The following WDR87 variants were observed in gnomAD, a reference collection of about 807,000 sequenced individuals.
WDR87 encodes WD repeat-containing protein 87.
A neutral mutation model predicts 83.3 loss-of-function variants in WDR87; 56 were observed. The ratio of observed to expected loss-of-function variants is 0.67; its 90% CI spans 0.54 to 0.84. WDR87 has a LOEUF of 0.84. Among genes scored for constraint, WDR87 ranks in the 40% least tolerant of loss-of-function variants. The probability of loss-of-function intolerance (pLI) is 0.00; values close to 1 mark genes in which losing one functional copy is unlikely to be tolerated. For synonymous variants in WDR87, 1,173 were observed against 1,250.6 expected, an observed-to-expected ratio of 0.94 and a Z score of 1.31; for missense variants, 2,939 against 3,431.9, an observed-to-expected ratio of 0.86 and a Z score of 3.59.
At position 37,888,256 on chromosome 19, in the gene WDR87, T is replaced by C. The variant is rs1346989689; in HGVS notation, c.5415A>G (p.Glu1805=). The change falls in exon 6 of 6, where the codon GAA becomes GAG. Residue 1805 remains glutamate (E), a synonymous_variant. Transcript: ENST00000447313. ...CTTCTTCCTGGGCCAGTTTTGTCTC[T>C]TCTTCAGACAGTTTCTCCCTTTGCC... The part of the protein sequence containing the change: ...LAWQREKLSE[E]ETKLAQEEEL... The C allele has an allele frequency of 6.4e-7, 1 of 1,551,988 alleles. No individual in the cohort carries two copies. Among genetic ancestry groups the C allele is most frequent in the African/African-American group, 1.4e-5 (1 of 73,030 alleles).
chr19:37,904,348 G>T (rs1349873656), intron 1 of WDR87, among the ~76,000 whole-genome samples: 1 of 149,058 alleles, frequency 6.7e-6, no homozygotes, highest in Non-Finnish European at 1.5e-5. Context: ...TCTTTCTTTT[G>T]TGTGTGTGTG....
intron 5 of WDR87, among the ~76,000 whole-genome samples, chr19:37,891,273 C>T (rs1456923870): frequency 2.0e-5 from 3 of 151,646 alleles, no homozygotes; most frequent in African/African-American, 7.3e-5. Flanking sequence ...AAGTGATTCT[C>T]CCACCTCAGC....
chr19:37,904,832 ATG>A (rs1475926967), intron 1 of WDR87, among the ~76,000 whole-genome samples: 4 of 152,182 alleles, frequency 2.6e-5, no homozygotes, highest in Admixed American at 2.0e-4. Context: ...ATTTCTATTA[ATG>A]GACATTCGGT....
Position 37,896,235 on chromosome 19 carries a change from C to T in WDR87, c.149G>A (p.Arg50His), listed in dbSNP as rs529436446. The part of the protein sequence containing the change: ...DRSQVLFKES[R>H]YPQNMPCVCY... ...TACACACGGCATATTTTGAGGATAG[C>T]GAGACTCTTTGAACAGTACCTGGGA... The change falls in exon 3 of 6, where the codon CGC (arginine) becomes CAC (histidine). Residue 50 changes from arginine to histidine, a missense_variant. Coordinates refer to ENST00000447313, the MANE Select transcript of WDR87 (RefSeq NM_001291088.2). The T allele has an allele frequency of 1.6e-5, 25 of 1,552,100 alleles. No homozygotes were observed. Among genetic ancestry groups the T allele is most frequent in the African/African-American group, 1.1e-4 (8 of 73,134 alleles).
At position 37,901,431 on chromosome 19, in the gene WDR87, AAAAAC is replaced by A. The variant is rs540418734; in HGVS notation, c.-46-3151_-46-3147del. Reference sequence around the variant, plus strand: ...GGGTGATAGGGCGAGACTCCATCTCAAAAACAAAACAAAACAACACCAAAAAACCC... The same window carrying A: ...GGGTGATAGGGCGAGACTCCATCTCAAAAACAAAACAACACCAAAAAACCC... On this transcript the variant is annotated intron_variant, in intron 1 of 5. Transcript: ENST00000447313. Among the ~76,000 whole-genome samples the A allele has an allele frequency of 7.0e-4, 106 of 152,306 alleles. 1 individual carries two copies. In the South Asian group the frequency reaches 0.014, roughly 20 times the overall value.
At chr19:37,903,443 G>A (rs1228458429) in intron 1 of WDR87, among the ~76,000 whole-genome samples, 1 of 152,176 alleles carries the variant, frequency 6.6e-6, no homozygotes, top group African/African-American at 2.4e-5. Context: ...TCTGTTGGAT[G>A]GAAGAGTTAC....
Position 37,892,726 on chromosome 19 carries a change from G to A in WDR87, c.2977C>T (p.Leu993Phe), listed in dbSNP as rs374198646. The A allele has an allele frequency of 1.3e-6, 2 of 1,551,826 alleles. No individual in the cohort carries two copies. Among genetic ancestry groups the A allele is most frequent in the Non-Finnish European group, 1.7e-6 (2 of 1,147,038 alleles). The change falls in exon 4 of 6, where the codon CTT (leucine) becomes TTT (phenylalanine). Residue 993 changes from leucine (L) to phenylalanine (F), a missense_variant. This residue lies in a region of WDR87 where 2,160 missense variants were observed against 2,533.1 expected (regional missense o/e 0.85). Transcript: ENST00000447313. ...GLKRLGMITH[L>F]FAMPLAQGLM... is the part of the protein sequence containing the mutation. ...CCTTGAGCCAGAGGCATGGCAAAAAGATGAGTAATCATTCCTAGACGCTTC... is the reference window on the plus strand; with the variant it reads ...CCTTGAGCCAGAGGCATGGCAAAAAAATGAGTAATCATTCCTAGACGCTTC...
intron 5 of WDR87, 30 bp from the exon 6 acceptor site, chr19:37,890,306 G>A: frequency 3.3e-6 from 5 of 1,494,852 alleles, no homozygotes; most frequent in Non-Finnish European, 4.5e-6. Flanking sequence ...ATGGAGGTAA[G>A]CAAAGTATGG....
At chr19:37,896,816 C>T (rs1028541259) in intron 2 of WDR87, among the ~76,000 whole-genome samples, 1 of 152,128 alleles carries the variant, frequency 6.6e-6, no homozygotes, top group African/African-American at 2.4e-5. Context: ...GATGGAGTTT[C>T]ACCATGTTGG....
chr19:37,885,821 C>T lies in WDR87; in HGVS notation c.7850G>A (p.Arg2617Lys), dbSNP rs371409897. The change falls in exon 6 of 6, where the codon AGA becomes AAA. Residue 2617 changes from arginine to lysine, a missense_variant. This residue lies in a region of WDR87 where 2,160 missense variants were observed against 2,533.1 expected (regional missense o/e 0.85). Coordinates refer to ENST00000447313, the MANE Select transcript of WDR87 (RefSeq NM_001291088.2). ...AKHEAIVYRH[R>K]QALESQDTRI... is the part of the protein sequence containing the mutation. Reference sequence around the variant, plus strand: ...TGTGTCTTGTGACTCCAGGGCCTGTCTGTGACGGTACACAATGGCTTCATG... The same window carrying T: ...TGTGTCTTGTGACTCCAGGGCCTGTTTGTGACGGTACACAATGGCTTCATG... 1 of 1,551,714 alleles carries T rather than the reference C, an allele frequency of 6.4e-7. No homozygotes were observed. The highest frequency in any genetic ancestry group is 1.4e-5 in the African/African-American group (1 of 73,024).
rs1360782359 is a variant in WDR87, at chr19:37,886,001, G to A, written c.7670C>T (p.Ala2557Val). Residue 2557 changes from alanine (A) to valine (V), a missense_variant, in exon 6 of 6, where the codon GCA becomes GTA. By Grantham distance (64) the Ala-to-Val change is moderately conservative. Around this residue, in one of 3 missense-constraint regions of WDR87, gnomAD observed 2,160 missense variants for 2,533.1 expected, o/e 0.85. Transcript: ENST00000447313. ...CTCTACATCTGAGAGGCTTACGTCT[G>A]CATGTTGTTCCTTAGCTGGGATTTG... ...LSQIPAKEQH[A>V]DVSLSDVEWI... 5.2e-6 allele frequency: 8 copies of A among 1,551,960 alleles called. No homozygotes were observed. The Admixed American group carries it at 5.9e-5, about 11-fold the overall frequency.
chr19:37,889,811 C>G lies in WDR87; in HGVS notation c.3860G>C (p.Arg1287Pro). ...ACCAGATATCCTCAGGGCCATAAGA[C>G]GACATAGATCGTCCCTCCATGATGA... is the stretch of plus-strand genomic sequence containing the variant. ...DGSSWRDDLC[R>P]LMALRISGSQ... The change falls in exon 6 of 6, where the codon CGT becomes CCT. Residue 1287 changes from arginine (R) to proline (P), a missense_variant. Arg to Pro is a moderately radical substitution (Grantham distance 103). Around this residue, in one of 3 missense-constraint regions of WDR87, gnomAD observed 2,160 missense variants for 2,533.1 expected, o/e 0.85. Transcript: ENST00000447313. 6.4e-7 allele frequency: 1 copy of G among 1,551,702 alleles called. No homozygotes were observed. The highest frequency in any genetic ancestry group is 8.7e-7 in the Non-Finnish European group (1 of 1,147,016).
intron 2 of WDR87, 32 bp from the exon 3 acceptor site, chr19:37,896,340 C>T (rs1226021089): frequency 6.5e-7 from 1 of 1,547,252 alleles, no homozygotes; most frequent in Non-Finnish European, 8.7e-7. Flanking sequence ...ACTAAGAGGC[C>T]AGGGCACAGA....
At chr19:37,896,342 G>T in intron 2 of WDR87, 34 bp from the exon 3 acceptor site, 3 of 1,542,568 alleles carry the variant, frequency 1.9e-6, no homozygotes, top group Non-Finnish European at 2.6e-6. Context: ...TAAGAGGCCA[G>T]GGCACAGAGG....
In WDR87 at chr19:37,901,300, G is replaced by A. The variant is rs147915537; in HGVS notation, c.-46-3015C>T. ...ACAAAAATTAGCCAGGCATGGTGGC[G>A]GGCGCCTGTAATCCCAGCTACTCAG... is the stretch of plus-strand genomic sequence containing the variant. On this transcript the variant is annotated intron_variant, in intron 1 of 5. Transcript: ENST00000447313. Among the ~76,000 whole-genome samples the A allele has an allele frequency of 8.6e-3, 1,303 of 152,114 alleles. 34 individuals carry two copies. Among genetic ancestry groups the A allele is most frequent in the East Asian group, 0.069 (359 of 5,168 alleles).
At position 37,906,562 on chromosome 19, in the gene WDR87, G is replaced by C. The variant is rs1009182457; in HGVS notation, c.-110C>G. On this transcript the variant is annotated 5_prime_UTR_variant, in exon 1 of 6. Coordinates refer to ENST00000447313, the MANE Select transcript of WDR87 (RefSeq NM_001291088.2). ...TGCACTCAGGAGCTCCTAGAGCTAG[G>C]GGCAGCAACTAAGAAGCTACCTGGC... 2 of 152,128 alleles carry C rather than the reference G, an allele frequency of 1.3e-5. No homozygotes were observed. Among genetic ancestry groups the C allele is most frequent in the African/African-American group, 4.8e-5 (2 of 41,428 alleles). The allele number at this position is 152,128 out of a possible 1,614,324, so 9.4% of individuals were successfully genotyped here. A position where few individuals can be genotyped will look rare whatever the true frequency, so the allele number is the denominator to read the frequency against.
Position 37,888,696 on chromosome 19 carries a change from A to T in WDR87, c.4975T>A (p.Tyr1659Asn). ...AQEERKLAQA[Y>N]VKITQDDREM... Reference sequence around the variant, plus strand: ...CTGTCATCCTGGGTTATTTTCACGTATGCCTGGGCCAGTTTTCTCTCTTCC... The same window carrying T: ...CTGTCATCCTGGGTTATTTTCACGTTTGCCTGGGCCAGTTTTCTCTCTTCC... The change falls in exon 6 of 6, where the codon TAC (tyrosine) becomes AAC (asparagine). Residue 1659 changes from tyrosine (Y) to asparagine (N), a missense_variant. Physicochemically the swap from Tyr to Asn is moderately radical, Grantham distance 143. Coordinates refer to ENST00000447313, the MANE Select transcript of WDR87 (RefSeq NM_001291088.2). 1 of 1,548,140 alleles carries T rather than the reference A, an allele frequency of 6.5e-7. No individual in the cohort carries two copies. Among genetic ancestry groups the T allele is most frequent in the East Asian group, 2.5e-5 (1 of 40,600 alleles).
chr19:37,885,262 C>T lies in WDR87; in HGVS notation c.8409G>A (p.Lys2803=), dbSNP rs1344821981. The T allele has an allele frequency of 3.3e-6, 5 of 1,524,560 alleles. No individual in the cohort carries two copies. Among genetic ancestry groups the T allele is most frequent in the African/African-American group, 1.4e-5 (1 of 71,678 alleles). The allele number at this position is 1,524,560 out of a possible 1,614,324, so 94.4% of individuals were successfully genotyped here. The change falls in exon 6 of 6, where the codon AAG becomes AAA. Residue 2803 remains lysine, a synonymous_variant. Coordinates refer to ENST00000447313, the MANE Select transcript of WDR87 (RefSeq NM_001291088.2). The stretch of plus-strand genomic sequence containing the variant: ...GAAGCAGCTTCTGGATTCTGGGGGA[C>T]TTAAGTTGGTACAGGTCCATGAGCT... The part of the protein sequence containing the change: ...FYQLMDLYQL[K]SPRIQKLLQE...
At position 37,889,191 on chromosome 19, in the gene WDR87, G is replaced by A. The variant is rs2046180532; in HGVS notation, c.4480C>T (p.Pro1494Ser). The change falls in exon 6 of 6, where the codon CCA becomes TCA. Residue 1494 changes from proline to serine, a missense_variant. By Grantham distance (74) the Pro-to-Ser change is moderately conservative. Transcript: ENST00000447313. ...GCCTTTTTCCAGTCCTGCCAAGATG[G>A]TGTCCTCTCAATCATAACCAGTTTT... The part of the protein sequence containing the change: ...EGKLVMIERT[P>S]SWQDWKKAWD... 6.4e-6 allele frequency: 10 copies of A among 1,552,042 alleles called. No individual in the cohort carries two copies. Among genetic ancestry groups the A allele is most frequent in the African/African-American group, 2.7e-5 (2 of 72,982 alleles).
Sources: allele counts gnomAD v4.1 joint callset (sites outside exome capture counted in the v4.1 genomes callset), GRCh38; gene constraint gnomAD v4.1.1; regional missense constraint gnomAD v4.1.1; transcripts MANE v1.5; gene names NCBI Gene and HGNC (gene_info 2026-07-23, HGNC 2026-07-21).